CFAP54: variants seen among roughly 807,000 people sequenced by gnomAD.
The protein encoded by CFAP54 is cilia- and flagella-associated protein 54.
A neutral mutation model predicts 370.4 loss-of-function variants in CFAP54; 290 were observed. The ratio of observed to expected loss-of-function variants is 0.78; its 90% confidence interval spans 0.71 to 0.86. The LOEUF (loss-of-function observed/expected upper bound fraction) is 0.86, where lower values mean the gene tolerates loss of function less well. Among genes scored for constraint, CFAP54 ranks in the 40% least tolerant of loss-of-function variants. The pLI is 0.00. For missense variants in CFAP54, 3,399 were observed against 3,528.7 expected (o/e 0.96, Z 0.93); for synonymous variants, 1,206 against 1,236.5 (o/e 0.98, Z 0.52).
chr12:96,580,698 A>G lies in CFAP54; in HGVS notation c.2889+9A>G. The G allele has an allele frequency of 1.4e-6, 2 of 1,454,686 alleles. No homozygotes were observed. The highest frequency in any genetic ancestry group is 9.2e-7 in the Non-Finnish European group (1 of 1,082,622). 90.1% of individuals were successfully genotyped at this position (1,454,686 alleles called of 1,614,324 possible). ...CAAATTCAGGAGAAGCGGTACGTCA[A>G]ATTAAACATCAGGAAATCTTACTGA... On this transcript the variant is annotated intron_variant, in intron 21 of 67. Transcript: ENST00000524981.
At chr12:96,872,171 T>C (rs933651926) in intron 67 of CFAP54, among the ~76,000 whole-genome samples, 4 of 151,954 alleles carry the variant, frequency 2.6e-5, no homozygotes, top group South Asian at 2.1e-4. Context: ...GAAAAACATA[T>C]TAAAATCAAC....
At chr12:96,852,458 A>G (rs1269057049) in intron 66 of CFAP54, among the ~76,000 whole-genome samples, 2 of 152,126 alleles carry the variant, frequency 1.3e-5, no homozygotes, top group Non-Finnish European at 2.9e-5. Flanking sequence ...AGTTGGGTCA[A>G]TTGGATATCT....
chr12:96,590,076 A>G (rs1019575062), intron 23 of CFAP54, among the ~76,000 whole-genome samples: 1 of 152,204 alleles, frequency 6.6e-6, no homozygotes, highest in Admixed American at 6.5e-5. Context: ...GTCAGCAAAA[A>G]CACTAGAGGC....
chr12:96,753,770 A>C lies in CFAP54; in HGVS notation c.7712A>C (p.Tyr2571Ser), dbSNP rs1397132723. ...CATACAGTGGCCAAGCAAGTATATTACAAGAATAAAAGGAAGGACCCCTCG... is the reference window on the plus strand; with the variant it reads ...CATACAGTGGCCAAGCAAGTATATTCCAAGAATAAAAGGAAGGACCCCTCG... ...IGHTVAKQVY[Y>S]KNKRKDPSKW... Residue 2571 changes from tyrosine to serine, a missense_variant, in exon 56 of 68, where the codon TAC (tyrosine) becomes TCC (serine). Tyr to Ser is a moderately radical substitution (Grantham distance 144). This residue lies in a region of CFAP54 where 2,796 missense variants were observed against 2,869.7 expected (regional missense o/e 0.97). Transcript: ENST00000524981. 1.2e-6 allele frequency: 2 copies of C among 1,613,846 alleles called. No homozygotes were observed. The highest frequency in any genetic ancestry group is 1.7e-6 in the Non-Finnish European group (2 of 1,179,894).
intron 50 of CFAP54, among the ~76,000 whole-genome samples, chr12:96,725,340 C>CT (rs1273808036): frequency 3.9e-5 from 6 of 151,946 alleles, no homozygotes; most frequent in African/African-American, 1.2e-4. Flanking sequence ...TTTGTATCCT[C>CT]TTTTATTTCA....
At position 96,640,863 on chromosome 12, in the gene CFAP54, G is replaced by T. The variant is rs549488524; in HGVS notation, c.4317-3315G>T. ...TTTAATAAATGGTGCTGGGAAAACT[G>T]GCTAGCCATATGTAGAAAGCTGAAA... On this transcript the variant is annotated intron_variant, in intron 32 of 67. Transcript: ENST00000524981. 3.2e-3 allele frequency among the ~76,000 whole-genome samples: 489 copies of T among 152,160 alleles called. 3 individuals carry two copies. Among genetic ancestry groups the T allele is most frequent in the African/African-American group, 0.01 (433 of 41,498 alleles).
chr12:96,761,031 TG>T (rs1363546847), intron 58 of CFAP54, among the ~76,000 whole-genome samples: 2 of 152,246 alleles, frequency 1.3e-5, no homozygotes, highest in Non-Finnish European at 2.9e-5. Context: ...AGCCTTTTGA[TG>T]ATCTGTCAGA....
At chr12:96,863,566 C>G (rs979912714) in intron 67 of CFAP54, among the ~76,000 whole-genome samples, 1 of 152,184 alleles carries the variant, frequency 6.6e-6, no homozygotes, top group East Asian at 1.9e-4. Flanking sequence ...CACTCCATGG[C>G]TCTGGGAAAT....
At position 96,874,612 on chromosome 12, in the gene CFAP54, CTTTTTTTTATTTTTATTTTAT is replaced by C. The variant is rs200849061; in HGVS notation, c.*15-497_*15-477del. Among the ~76,000 whole-genome samples, 1,355 of 40,094 alleles carry C rather than the reference CTTTTTTTTATTTTTATTTTAT, an allele frequency of 0.034. 375 individuals are homozygous for C. In the East Asian group the frequency reaches 0.36, roughly 11 times the overall value. 26.3% of individuals were successfully genotyped at this position (40,094 alleles called of 152,430 possible). ...GTTCTGTTCTGTTTTGGGATCTCTG[CTTTTTTTTATTTTTATTTTAT>C]TTTTTTTTTTTTTTGAGACGGAGTC... On this transcript the variant is annotated intron_variant, in intron 67 of 67. Coordinates refer to ENST00000524981, the MANE Select transcript of CFAP54 (RefSeq NM_001306084.2).
chr12:96,521,131 A>G (rs1030972888), intron 6 of CFAP54, among the ~76,000 whole-genome samples: 7 of 152,232 alleles, frequency 4.6e-5, no homozygotes, highest in Admixed American at 4.6e-4. Flanking sequence ...TGGAAAATGT[A>G]ACCCTTCATA....
In CFAP54 at chr12:96,658,049, A is replaced by G; in HGVS notation, c.5268A>G (p.Gln1756=). 1 of 1,614,094 alleles carries G rather than the reference A, an allele frequency of 6.2e-7. No homozygotes were observed. The highest frequency in any genetic ancestry group is 1.7e-5 in the Admixed American group (1 of 60,028). ...TAAAATCTCTGGAAGTTTTATATCA[A>G]GTGGAAAAATGGGAAACACTAGTAT... ...FVLKSLEVLY[Q]VEKWETLVSL... is the part of the protein sequence containing the mutation. The change falls in exon 37 of 68, where the codon CAA becomes CAG. Residue 1756 remains glutamine (Q), a synonymous_variant. Coordinates refer to ENST00000524981, the MANE Select transcript of CFAP54 (RefSeq NM_001306084.2).
At chr12:96,565,498 A>T (rs1955858000) in intron 19 of CFAP54, among the ~76,000 whole-genome samples, 1 of 152,188 alleles carries the variant, frequency 6.6e-6, no homozygotes, top group South Asian at 2.1e-4. Flanking sequence ...GTCTTGGCTG[A>T]TAAGAGAAGG....
chr12:96,615,660 T>A, intron 26 of CFAP54, among the ~76,000 whole-genome samples: 1 of 151,878 alleles, frequency 6.6e-6, no homozygotes, highest in Non-Finnish European at 1.5e-5. Flanking sequence ...TCAAACAAAT[T>A]TACAAGAAAA....
chr12:96,755,666 CTTT>C (rs71758359), intron 56 of CFAP54, among the ~76,000 whole-genome samples: 98 of 87,980 alleles, frequency 1.1e-3, no homozygotes, highest in Middle Eastern at 6.0e-3. Context: ...TTCTTTTTTC[CTTT>C]TTTTTTTTTT....
rs1324681276 is a variant in CFAP54, at chr12:96,649,944, T to C, written c.4744T>C (p.Ser1582Pro). ...TTCCATAATGAGTGATGAAAATATG[T>C]CCAAGACACAAACAGTTTATGACTC... ...INSIMSDENM[S>P]KTQTVYDSDS... Residue 1582 changes from serine (S) to proline (P), a missense_variant, in exon 35 of 68, where the codon TCC (serine) becomes CCC (proline). Ser to Pro is a moderately conservative substitution (Grantham distance 74). Around this residue, in one of 3 missense-constraint regions of CFAP54, gnomAD observed 2,796 missense variants for 2,869.7 expected, o/e 0.97. Coordinates refer to ENST00000524981, the MANE Select transcript of CFAP54 (RefSeq NM_001306084.2). 4 of 1,611,948 alleles carry C rather than the reference T, an allele frequency of 2.5e-6. No homozygotes were observed. The highest frequency in any genetic ancestry group is 4.5e-5 in the East Asian group (2 of 44,822).
intron 36 of CFAP54, among the ~76,000 whole-genome samples, chr12:96,656,016 T>A (rs1189810289): frequency 6.6e-6 from 1 of 152,130 alleles, no homozygotes; most frequent in Non-Finnish European, 1.5e-5. Context: ...AGTGAGTATG[T>A]CCTAAGAGTT....
rs1347164346 is a variant in CFAP54 at position 96,826,774 on chromosome 12, A to C, written c.9097-2240A>C. On this transcript the variant is annotated intron_variant, in intron 65 of 67. Transcript: ENST00000524981. The stretch of plus-strand genomic sequence containing the variant: ...TATAATACATATTAATATATTATAT[A>C]ATATATAATTATAAATAATATATAA... Among the ~76,000 whole-genome samples, 110 of 112,156 alleles carry C rather than the reference A, an allele frequency of 9.8e-4. No homozygotes were observed. The East Asian group carries it at 0.024, about 24-fold the overall frequency. The allele number at this position is 112,156 out of a possible 152,430, so 73.6% of individuals were successfully genotyped here.
Position 96,503,940 on chromosome 12 carries a change from A to G in CFAP54, c.478A>G (p.Thr160Ala). The G allele has an allele frequency of 6.5e-7, 1 of 1,528,608 alleles. No individual in the cohort carries two copies. The highest frequency in any genetic ancestry group is 2.5e-5 in the East Asian group (1 of 40,438). The allele number at this position is 1,528,608 out of a possible 1,614,324, so 94.7% of individuals were successfully genotyped here. Residue 160 changes from threonine (T) to alanine (A), a missense_variant, in exon 3 of 68, where the codon ACC becomes GCC. Coordinates refer to ENST00000524981, the MANE Select transcript of CFAP54 (RefSeq NM_001306084.2). ...CYGRYLQQFN[T>A]NFDENKVDVT... The stretch of plus-strand genomic sequence containing the variant: ...TGGAAGATATCTTCAGCAGTTCAAT[A>G]CCAATTTTGATGAGAATAAAGTGGA...
chr12:96,630,723 C>G (rs1956598953), intron 32 of CFAP54, 72 bp downstream of exon 32: 11 of 919,366 alleles, frequency 1.2e-5, no homozygotes, highest in African/African-American at 1.7e-5. Context: ...ATTTTGGGTA[C>G]TAGGGATACA....
Sources: gnomAD v4.1 joint callset for allele counts (sites outside exome capture counted in the v4.1 genomes callset) on GRCh38, gnomAD v4.1.1 for gene constraint, gnomAD v4.1.1 regional missense constraint, MANE v1.5 for transcripts, NCBI Gene and HGNC (gene_info 2026-07-23, HGNC 2026-07-21) for gene names.